TACR2: variants seen among roughly 807,000 people sequenced by gnomAD.
TACR2 encodes tachykinin receptor 2, also known as substance-K receptor.
A neutral mutation model predicts 28.9 loss-of-function variants in TACR2; 24 were observed. The observed-to-expected ratio is 0.83, with a 90% CI of 0.60 to 1.17. TACR2 has a LOEUF of 1.17. TACR2 is among the 50% of genes most tolerant of loss of function. The pLI is 0.00. For missense variants in TACR2, 487 were observed against 524.4 expected, an observed-to-expected ratio of 0.93 and a Z score of 0.70; for synonymous variants, 222 against 212.6, an observed-to-expected ratio of 1.04 and a Z score of -0.38.
At position 69,409,865 on chromosome 10, in the gene TACR2, G is replaced by GTATA. The variant is rs755195281; in HGVS notation, c.588-794_588-791dup. On this transcript the variant is annotated intron_variant, in intron 2 of 4. Coordinates refer to ENST00000373306, the MANE Select transcript of TACR2 (RefSeq NM_001057.3). ...CGTATACGTATATGTATATGTATAT[G>GTATA]TATATATATATATATACATATATAC... Among the ~76,000 whole-genome samples the GTATA allele has an allele frequency of 3.4e-5, 4 of 118,988 alleles. No homozygotes were observed. The East Asian group carries it at 1.4e-3, about 40-fold the overall frequency. 78.1% of individuals were successfully genotyped at this position (118,988 alleles called of 152,430 possible). A position where few individuals can be genotyped will look rare whatever the true frequency, so the allele number is the denominator to read the frequency against.
Position 69,408,964 on chromosome 10 carries a change from C to T in TACR2, c.699G>A (p.Gln233=), listed in dbSNP as rs202215987. ...TLWRRAVPGH[Q]AHGANLRHLQ... The stretch of plus-strand genomic sequence containing the variant: ...GGTGGCGCAGGTTGGCACCGTGCGC[C>T]TGATGTCCGGGCACTGCGCGCCTCC... Residue 233 remains glutamine, a synonymous_variant, in exon 3 of 5, where the codon CAG becomes CAA. Transcript: ENST00000373306. 1.1e-5 allele frequency: 17 copies of T among 1,594,850 alleles called. No homozygotes were observed. Among genetic ancestry groups the T allele is most frequent in the Non-Finnish European group, 1.4e-5 (17 of 1,173,738 alleles).
At chr10:69,406,577 T>A (rs1310758903) in intron 4 of TACR2, among the ~76,000 whole-genome samples, 1 of 152,214 alleles carries the variant, frequency 6.6e-6, no homozygotes, top group East Asian at 1.9e-4. Flanking sequence ...ACCCCTGTGC[T>A]GGCCCCAGCC....
intron 2 of TACR2, among the ~76,000 whole-genome samples, chr10:69,410,518 C>CAAAAAAAAA (rs774971144): frequency 1.1e-5 from 1 of 89,046 alleles, no homozygotes; most frequent in Non-Finnish European, 2.1e-5. Flanking sequence ...GAGACCCTGT[C>CAAAAAAAAA]AAAAAAAAAA....
chr10:69,409,075 C>G lies in TACR2; in HGVS notation c.588G>C (p.Leu196=). ...PEDSGGKTLL[L]YHLVVIALIY... ...TGAGGGCGATCACCACGAGGTGGTA[C>G]CTGCAGGGAGAGCCGAGGCCTGGGC... is the stretch of plus-strand genomic sequence containing the variant. The change falls in exon 3 of 5, where the codon CTG becomes CTC. Residue 196 remains leucine, a splice_region_variant and synonymous_variant. Transcript: ENST00000373306. 1.2e-6 allele frequency: 2 copies of G among 1,600,314 alleles called. No homozygotes were observed. Among genetic ancestry groups the G allele is most frequent in the South Asian group, 2.2e-5 (2 of 89,310 alleles).
intron 1 of TACR2, among the ~76,000 whole-genome samples, 158 bp downstream of exon 1, chr10:69,415,774 G>A (rs955193895): frequency 2.6e-5 from 4 of 152,136 alleles, no homozygotes; most frequent in African/African-American, 9.7e-5. Context: ...CAGTCCCCCT[G>A]CCTTCCAGAT....
At chr10:69,413,051 G>A (rs1351402307) in intron 2 of TACR2, among the ~76,000 whole-genome samples, 2 of 152,124 alleles carry the variant, frequency 1.3e-5, no homozygotes, top group African/African-American at 4.8e-5. Context: ...GGCTGGTCTT[G>A]AACCCCTGAC....
intron 4 of TACR2, 63 bp downstream of exon 4, chr10:69,407,020 AG>A: frequency 6.5e-7 from 1 of 1,528,700 alleles, no homozygotes; most frequent in East Asian, 2.3e-5. Flanking sequence ...TGTGCAGGGG[AG>A]CCCACCTGGG....
At position 69,416,825 on chromosome 10, in the gene TACR2, C is replaced by T. The variant is rs891818600; in HGVS notation, c.-502G>A. ...CCACAGGTCAATGGCGCAGCAGCCT[C>T]TCTCCAGGCTTTGGGCTGCAAGCCG... On this transcript the variant is annotated 5_prime_UTR_variant, in exon 1 of 5. Transcript: ENST00000373306. 1.3e-5 allele frequency: 2 copies of T among 152,928 alleles called. No homozygotes were observed. Among genetic ancestry groups the T allele is most frequent in the Non-Finnish European group, 2.9e-5 (2 of 68,584 alleles). 9.5% of individuals were successfully genotyped at this position (152,928 alleles called of 1,614,324 possible). A position where few individuals can be genotyped will look rare whatever the true frequency, so the allele number is the denominator to read the frequency against.
intron 2 of TACR2, 154 bp from the exon 3 acceptor site, chr10:69,409,229 A>T: frequency 1.3e-6 from 1 of 779,424 alleles, no homozygotes; most frequent in Non-Finnish European, 1.9e-6. Flanking sequence ...TTAAACAAAA[A>T]TAAAGGTGGC....
rs748733461 is a variant in TACR2, at chr10:69,416,246, G to A, written c.78C>T (p.Phe26=). ...PESNTTGITA[F]SMPSWQLALW... ...GTGCCAGTTGCCAGCTGGGCATGGA[G>A]AAGGCTGTGATGCCCGTGGTGTTGC... The change falls in exon 1 of 5, where the codon TTC becomes TTT. Residue 26 remains phenylalanine, a synonymous_variant. Transcript: ENST00000373306. 1 of 1,613,826 alleles carries A rather than the reference G, an allele frequency of 6.2e-7. No individual in the cohort carries two copies. The highest frequency in any genetic ancestry group is 8.5e-7 in the Non-Finnish European group (1 of 1,179,806).
At chr10:69,414,274 G>T (rs545335277) in intron 2 of TACR2, among the ~76,000 whole-genome samples, 6 of 152,188 alleles carry the variant, frequency 3.9e-5, no homozygotes, top group Non-Finnish European at 2.9e-5. Context: ...TCATGGACTC[G>T]TTCTGCCTCA....
intron 2 of TACR2, 63 bp from the exon 3 acceptor site, chr10:69,409,138 G>A (rs1317008547): frequency 1.4e-6 from 2 of 1,423,756 alleles, no homozygotes; most frequent in Admixed American, 2.9e-5. Flanking sequence ...GTCTGCCAGC[G>A]CCTGGTCCTG....
chr10:69,415,275 G>A, intron 1 of TACR2, 136 bp from the exon 2 acceptor site: 2 of 992,978 alleles, frequency 2.0e-6, no homozygotes, highest in Non-Finnish European at 2.9e-6. Flanking sequence ...TGATATCATA[G>A]TATCAGCCGA....
rs908235843 is a variant in TACR2 at position 69,414,569 on chromosome 10, A to ATAGCTGGATTCAAATGAC, written c.587+358_587+375dup. On this transcript the variant is annotated intron_variant, in intron 2 of 4. Coordinates refer to ENST00000373306, the MANE Select transcript of TACR2 (RefSeq NM_001057.3). ...GGCAGGATTGCTTAGATTTGAATCC[A>ATAGCTGGATTCAAATGAC]TAGCTGGATTCAAATGACTAGCTGG... is the stretch of plus-strand genomic sequence containing the variant. Among the ~76,000 whole-genome samples, 3 of 151,750 alleles carry ATAGCTGGATTCAAATGAC rather than the reference A, an allele frequency of 2.0e-5. No individual in the cohort carries two copies. In the East Asian group the frequency reaches 5.8e-4, roughly 29 times the overall value.
chr10:69,414,971 T>C lies in TACR2; in HGVS notation c.561A>G (p.Glu187=), dbSNP rs1180922146. Residue 187 remains glutamate (E), a synonymous_variant, in exon 2 of 5, where the codon GAA becomes GAG. Coordinates refer to ENST00000373306, the MANE Select transcript of TACR2 (RefSeq NM_001057.3). ...GATKCVVAWP[E]DSGGKTLLLY... ...GGAGGAGCGTCTTGCCCCCGCTGTCTTCGGGCCAGGCCACCACGCACTTGG... is the reference window on the plus strand; with the variant it reads ...GGAGGAGCGTCTTGCCCCCGCTGTCCTCGGGCCAGGCCACCACGCACTTGG... 1.9e-6 allele frequency: 3 copies of C among 1,613,110 alleles called. No homozygotes were observed. Among genetic ancestry groups the C allele is most frequent in the Non-Finnish European group, 2.5e-6 (3 of 1,179,568 alleles).
chr10:69,404,916 G>A lies in TACR2; in HGVS notation c.1107C>T (p.Thr369=). 6.2e-7 allele frequency: 1 copy of A among 1,614,066 alleles called. No homozygotes were observed. Among genetic ancestry groups the A allele is most frequent in the Non-Finnish European group, 8.5e-7 (1 of 1,179,946 alleles). Residue 369 remains threonine, a synonymous_variant, in exon 5 of 5, where the codon ACC becomes ACT. Transcript: ENST00000373306. ...MAGDTAPSEA[T]SGEAGRPQDG... is the part of the protein sequence containing the mutation. ...CCTGGGGACGCCCCGCCTCCCCACT[G>A]GTAGCCTCGGAGGGGGCTGTGTCCC...
intron 3 of TACR2, 42 bp downstream of exon 3, chr10:69,408,867 AGCCCCCCGCCCCC>A: frequency 7.7e-5 from 2 of 26,138 alleles, no homozygotes; most frequent in Non-Finnish European, 6.0e-5. Context: ...CGCCCCCGCC[AGCCCCCCGCCCCC>A]TCCAGGCCCC....
At chr10:69,409,887 A>G (rs1394322906) in intron 2 of TACR2, among the ~76,000 whole-genome samples, 23 of 11,166 alleles carry the variant, frequency 2.1e-3, no homozygotes, top group African/African-American at 5.2e-3. Context: ...ATATACATAT[A>G]TACATATATA....
intron 1 of TACR2, 125 bp from the exon 2 acceptor site, chr10:69,415,264 C>A: frequency 9.2e-7 from 1 of 1,086,726 alleles, no homozygotes; most frequent in Non-Finnish European, 1.3e-6. Flanking sequence ...CTGCCATCTG[C>A]TGATATCATA....
Sources: gnomAD v4.1 joint callset for allele counts (sites outside exome capture counted in the v4.1 genomes callset) on GRCh38, gnomAD v4.1.1 for gene constraint, MANE v1.5 for transcripts, NCBI Gene and HGNC (gene_info 2026-07-23, HGNC 2026-07-21) for gene names.